Variants in ATL3 observed in about 807,000 individuals in gnomAD.
ATL3 encodes the protein atlastin GTPase 3, also known as atlastin-3.
A neutral mutation model predicts 69.5 loss-of-function variants in ATL3; 49 were observed. That is an observed-to-expected ratio of 0.71 (90% CI 0.56 to 0.89). The LOEUF is 0.89. Among genes scored for constraint, ATL3 ranks in the 40% least tolerant of loss-of-function variants. The probability of loss-of-function intolerance (pLI) is 0.00; values close to 1 mark genes in which losing one functional copy is unlikely to be tolerated. For synonymous variants in ATL3, 214 were observed against 224.1 expected (o/e 0.95, Z 0.40); for missense variants, 606 against 645.7 (o/e 0.94, Z 0.67).
intron 12 of ATL3, among the ~76,000 whole-genome samples, chr11:63,630,114 T>C (rs1939255869): frequency 6.6e-6 from 1 of 151,884 alleles, no homozygotes; most frequent in Admixed American, 6.6e-5. Context: ...CTGAAGAGCA[T>C]GTAATTAGAA....
At chr11:63,665,749 C>A (rs1049773077) in intron 1 of ATL3, among the ~76,000 whole-genome samples, 1 of 151,738 alleles carries the variant, frequency 6.6e-6, no homozygotes, top group African/African-American at 2.4e-5. Flanking sequence ...ATTAACCAGG[C>A]TTGGTGGTAA....
chr11:63,642,628 A>C (rs1425838156), intron 8 of ATL3, among the ~76,000 whole-genome samples: 9 of 152,204 alleles, frequency 5.9e-5, no homozygotes, highest in Non-Finnish European at 1.2e-4. Context: ...CAAGTTACTT[A>C]ACTTTCCTCC....
At chr11:63,631,560 T>A in intron 11 of ATL3, 89 bp from the exon 12 acceptor site, 1 of 1,148,052 alleles carries the variant, frequency 8.7e-7, no homozygotes. Flanking sequence ...AGGATTAGAA[T>A]GTTTTAAGAT....
chr11:63,671,431 G>A (rs546581078), upstream of ATL3: 45 of 1,511,758 alleles, frequency 3.0e-5, no homozygotes, highest in Middle Eastern at 1.8e-4. Context: ...GGAAACGGGC[G>A]GAGCCTGGGC....
intron 8 of ATL3, among the ~76,000 whole-genome samples, chr11:63,642,567 T>G (rs1939734494): frequency 6.6e-6 from 1 of 152,186 alleles, no homozygotes; most frequent in Non-Finnish European, 1.5e-5. Context: ...AACAAGAACT[T>G]GGATGTAGAT....
chr11:63,666,782 C>A (rs1177872065), intron 1 of ATL3, among the ~76,000 whole-genome samples: 1 of 152,118 alleles, frequency 6.6e-6, no homozygotes, highest in Non-Finnish European at 1.5e-5. Context: ...TAAGTGGCAA[C>A]TTTACATGCC....
intron 8 of ATL3, among the ~76,000 whole-genome samples, chr11:63,642,011 A>C (rs1408520692): frequency 6.6e-6 from 1 of 152,198 alleles, no homozygotes; most frequent in Non-Finnish European, 1.5e-5. Flanking sequence ...AACAAATCTG[A>C]GTTCAGGTTG....
In ATL3 at chr11:63,671,372, CAG is replaced by C; in HGVS notation, c.-39_-38del. 1 of 1,563,372 alleles carries C rather than the reference CAG, an allele frequency of 6.4e-7. No individual in the cohort carries two copies. The highest frequency in any genetic ancestry group is 8.6e-7 in the Non-Finnish European group (1 of 1,157,794). On this transcript the variant is annotated 5_prime_UTR_variant, in exon 1 of 13. Coordinates refer to ENST00000398868, the MANE Select transcript of ATL3 (RefSeq NM_015459.5). ...CTTCAAAGCAGAAGCAGCAGGGGTG[CAG>C]AGGAGAGGGACGGGTGCGGGCGGGA...
At position 63,628,458 on chromosome 11, in the gene ATL3, T is replaced by A. The variant is rs916139798; in HGVS notation, c.*861A>T. 2.6e-5 allele frequency: 4 copies of A among 152,042 alleles called. No individual in the cohort carries two copies. Among genetic ancestry groups the A allele is most frequent in the African/African-American group, 9.7e-5 (4 of 41,412 alleles). The allele number at this position is 152,042 out of a possible 1,614,324, so 9.4% of individuals were successfully genotyped here. A position where few individuals can be genotyped will look rare whatever the true frequency, so the allele number is the denominator to read the frequency against. On this transcript the variant is annotated 3_prime_UTR_variant, in exon 13 of 13. Transcript: ENST00000398868. ...TGGCAACAGGATTCCCTATTGTAAA[T>A]TTTTTTTGAGTGTAATGACATCATT...
chr11:63,638,368 A>G (rs778765402), intron 8 of ATL3, among the ~76,000 whole-genome samples: 2 of 152,160 alleles, frequency 1.3e-5, no homozygotes, highest in Non-Finnish European at 2.9e-5. Flanking sequence ...CTTTATGCTG[A>G]CAACACAGTC....
At chr11:63,657,913 G>A (rs917517818) in intron 3 of ATL3, among the ~76,000 whole-genome samples, 1 of 149,992 alleles carries the variant, frequency 6.7e-6, no homozygotes, top group African/African-American at 2.5e-5. Flanking sequence ...CTGGAGGACA[G>A]TGGTGTGATC....
At chr11:63,670,176 G>A (rs1940728045) in intron 1 of ATL3, among the ~76,000 whole-genome samples, 1 of 152,156 alleles carries the variant, frequency 6.6e-6, no homozygotes, top group African/African-American at 2.4e-5. Flanking sequence ...AGTGTTTACA[G>A]GTGTTAGAGC....
chr11:63,651,485 C>T (rs909174717), intron 5 of ATL3, among the ~76,000 whole-genome samples: 2 of 151,974 alleles, frequency 1.3e-5, no homozygotes, highest in African/African-American at 4.8e-5. Context: ...TCATTGCTGA[C>T]GACCCTCCCA....
At chr11:63,671,834 C>T (rs989092813), upstream of ATL3, 2 of 895,472 alleles carry the variant, frequency 2.2e-6, no homozygotes, top group Non-Finnish European at 2.9e-6. Flanking sequence ...CTGCGGCCGG[C>T]GCCTAACGTG....
chr11:63,662,473 G>A (rs1042966011), intron 1 of ATL3, among the ~76,000 whole-genome samples: 1 of 152,128 alleles, frequency 6.6e-6, no homozygotes, highest in African/African-American at 2.4e-5. Flanking sequence ...AGGATGCTAA[G>A]TTTAAGAAGT....
At chr11:63,632,832 A>C in intron 11 of ATL3, 194 bp downstream of exon 11, 1 of 763,540 alleles carries the variant, frequency 1.3e-6, no homozygotes, top group South Asian at 1.8e-5. Flanking sequence ...AAAACAAAAC[A>C]AAACAAAACA....
intron 5 of ATL3, among the ~76,000 whole-genome samples, chr11:63,650,327 CT>C (rs1444753138): frequency 6.6e-6 from 1 of 152,018 alleles, no homozygotes; most frequent in South Asian, 2.1e-4. Context: ...CCATATAGAT[CT>C]TTTTTAAGTT....
chr11:63,662,792 C>T (rs1246968946), intron 1 of ATL3, among the ~76,000 whole-genome samples: 3 of 151,892 alleles, frequency 2.0e-5, no homozygotes, highest in African/African-American at 7.3e-5. Context: ...AATTTAAAGT[C>T]GACTTAAGGA....
chr11:63,671,111 G>C (rs919461402), intron 1 of ATL3, among the ~76,000 whole-genome samples, 179 bp downstream of exon 1: 3 of 152,200 alleles, frequency 2.0e-5, no homozygotes, highest in Non-Finnish European at 4.4e-5. Flanking sequence ...GACCAGCTGG[G>C]CCCGAAGAGG....
Sources: allele counts gnomAD v4.1 joint callset (sites outside exome capture counted in the v4.1 genomes callset), GRCh38; gene constraint gnomAD v4.1.1; transcripts MANE v1.5; gene names NCBI Gene and HGNC (gene_info 2026-07-23, HGNC 2026-07-21).